Variants in MACF1 observed in about 807,000 individuals in gnomAD.
MACF1 encodes microtubule-actin cross-linking factor 1.
In MACF1, 193 loss-of-function variants were observed where a neutral mutation model predicts 854.8. That is an observed-to-expected ratio of 0.23 (90% confidence interval 0.20 to 0.25). The LOEUF (loss-of-function observed/expected upper bound fraction) is 0.25, where lower values mean the gene tolerates loss of function less well. MACF1 is among the 10% of genes least tolerant of loss of function. The pLI is 1.00. For missense variants in MACF1, 7,722 were observed against 8,929.1 expected (o/e 0.86, Z 5.45); for synonymous variants, 3,185 against 3,226.7 (o/e 0.99, Z 0.44).
chr1:39,229,410 A>G (rs1238306668), intron 1 of MACF1, among the ~76,000 whole-genome samples: 2 of 152,240 alleles, frequency 1.3e-5, no homozygotes, highest in Non-Finnish European at 2.9e-5. Context: ...AAGCATTGAC[A>G]TTGTTTGGAA....
At position 39,331,323 on chromosome 1, in the gene MACF1, G is replaced by A; in HGVS notation, c.4735G>A (p.Val1579Ile). 4 of 1,613,934 alleles carry A rather than the reference G, an allele frequency of 2.5e-6. No individual in the cohort carries two copies. The highest frequency in any genetic ancestry group is 3.4e-6 in the Non-Finnish European group (4 of 1,179,988). ...AGGCCTAGTGCTTCTGGAATCTCAG[G>A]TTATCATGTCTGGCCTCATTGCCCC... ...DTGLVLLESQVIMSGLIAPET... is the reference protein window; with the variant it reads ...DTGLVLLESQIIMSGLIAPET... Residue 1579 changes from valine (V) to isoleucine (I), a missense_variant, in exon 37 of 101, where the codon GTT (valine) becomes ATT (isoleucine). By Grantham distance (29) the Val-to-Ile change is conservative (BLOSUM62 3). Transcript: ENST00000564288.
intron 15 of MACF1, among the ~76,000 whole-genome samples, chr1:39,291,586 A>G (rs770085408): frequency 1.3e-5 from 2 of 152,250 alleles, no homozygotes; most frequent in Non-Finnish European, 2.9e-5. Flanking sequence ...AGACTCCATA[A>G]AGAGAAATGC....
chr1:39,144,919 A>G (rs1643429373), intron 2 of MACF1, among the ~76,000 whole-genome samples: 1 of 152,046 alleles, frequency 6.6e-6, no homozygotes, highest in Admixed American at 6.6e-5. Flanking sequence ...CCTTTCCTTT[A>G]TGCACATTAA....
intron 34 of MACF1, 132 bp from the exon 35 acceptor site, chr1:39,324,514 T>A: frequency 9.7e-7 from 1 of 1,027,804 alleles, no homozygotes; most frequent in Non-Finnish European, 1.4e-6. Context: ...TTTTATCAGC[T>A]GTAGCTCATT....
At chr1:39,318,685 T>G in intron 30 of MACF1, 70 bp downstream of exon 30, 2 of 1,423,982 alleles carry the variant, frequency 1.4e-6, no homozygotes, top group African/African-American at 2.9e-5. Flanking sequence ...AAGAAAATGA[T>G]GTACTGGCAA....
rs1243959585 is a variant in MACF1 at position 39,477,133 on chromosome 1, T to TACACACACACAC, written c.21959-2664_21959-2663insCACACACACACA. The stretch of plus-strand genomic sequence containing the variant: ...TACACTTAGTGTATATATATATATA[T>TACACACACACAC]ATACACACACACACACACACAGATG... On this transcript the variant is annotated intron_variant, in intron 97 of 100. Transcript: ENST00000564288. 1.6e-3 allele frequency among the ~76,000 whole-genome samples: 161 copies of TACACACACACAC among 98,886 alleles called. 12 individuals are homozygous for TACACACACACAC. Among genetic ancestry groups the TACACACACACAC allele is most frequent in the Middle Eastern group, 5.5e-3 (1 of 182 alleles). 64.9% of individuals were successfully genotyped at this position (98,886 alleles called of 152,430 possible).
chr1:39,301,722 G>A (rs1430070975), intron 22 of MACF1, among the ~76,000 whole-genome samples: 4 of 152,050 alleles, frequency 2.6e-5, no homozygotes, highest in Admixed American at 1.3e-4. Flanking sequence ...ACTGCGCCCA[G>A]CGTTTGTTTG....
At chr1:39,108,707 C>G (rs1642314498) in intron 2 of MACF1, among the ~76,000 whole-genome samples, 1 of 152,060 alleles carries the variant, frequency 6.6e-6, no homozygotes, top group Admixed American at 6.6e-5. Context: ...AGAAGCAGGT[C>G]ACATATGAGC....
At chr1:39,256,001 G>A (rs1195034536) in intron 5 of MACF1, among the ~76,000 whole-genome samples, 2 of 152,136 alleles carry the variant, frequency 1.3e-5, no homozygotes, top group East Asian at 1.9e-4. Context: ...TCTTGGTAAC[G>A]GTAAAGTCCA....
At chr1:39,299,798 A>T (rs1646003567) in intron 21 of MACF1, among the ~76,000 whole-genome samples, 1 of 152,248 alleles carries the variant, frequency 6.6e-6, no homozygotes, top group East Asian at 1.9e-4. Flanking sequence ...AAAGGGAAGA[A>T]CTGGTTTCTA....
chr1:39,357,862 C>A lies in MACF1; in HGVS notation c.11912C>A (p.Ala3971Glu). 1.2e-6 allele frequency: 2 copies of A among 1,613,462 alleles called. No homozygotes were observed. Among genetic ancestry groups the A allele is most frequent in the Non-Finnish European group, 1.7e-6 (2 of 1,179,720 alleles). The part of the protein sequence containing the change: ...GNLVKDKLKD[A>E]TERYTALHSK... ...TTAGTAAAGGACAAGTTGAAGGATGCAACAGAAAGATACACTGCTCTCCAC... is the reference window on the plus strand; with the variant it reads ...TTAGTAAAGGACAAGTTGAAGGATGAAACAGAAAGATACACTGCTCTCCAC... Residue 3971 changes from alanine to glutamate, a missense_variant, in exon 45 of 101, where the codon GCA becomes GAA. Around this residue, in one of 15 missense-constraint regions of MACF1, gnomAD observed 2,807 missense variants for 3,235.8 expected, o/e 0.87. Coordinates refer to ENST00000564288, the MANE Select transcript of MACF1 (RefSeq NM_001394062.1).
intron 2 of MACF1, among the ~76,000 whole-genome samples, chr1:39,249,032 C>A (rs1222901688): frequency 1.3e-5 from 2 of 152,148 alleles, no homozygotes; most frequent in African/African-American, 4.8e-5. Context: ...CAGGCAGAAG[C>A]CACTGCACCT....
chr1:39,343,843 C>T (rs899047088), intron 40 of MACF1, among the ~76,000 whole-genome samples: 2 of 152,256 alleles, frequency 1.3e-5, no homozygotes, highest in Non-Finnish European at 2.9e-5. Flanking sequence ...GGGCTGGGCA[C>T]GGTGGCTCAC....
chr1:39,146,140 T>C (rs1643458421), intron 2 of MACF1, among the ~76,000 whole-genome samples: 2 of 152,076 alleles, frequency 1.3e-5, no homozygotes, highest in African/African-American at 4.8e-5. Flanking sequence ...CATCAACAGA[T>C]GAATAGATAA....
In MACF1 at chr1:39,283,343, C is replaced by T. The variant is rs1437412034; in HGVS notation, c.808+42C>T. ...TGAACTTGAGTAAGGAACACGTATT[C>T]AGTATTCCTTCTTCTGGCAAGTTCC... On this transcript the variant is annotated intron_variant, in intron 8 of 100. Coordinates refer to ENST00000564288, the MANE Select transcript of MACF1 (RefSeq NM_001394062.1). The surrounding 1 kb of genome is among the most constrained non-coding windows in gnomAD (Gnocchi z 4.5). The T allele has an allele frequency of 1.3e-6, 2 of 1,572,472 alleles. No individual in the cohort carries two copies. The highest frequency in any genetic ancestry group is 2.2e-5 in the East Asian group (1 of 44,678).
At chr1:39,375,305 CT>C (rs1039084685) in intron 52 of MACF1, among the ~76,000 whole-genome samples, 52 of 145,470 alleles carry the variant, frequency 3.6e-4, no homozygotes, top group South Asian at 4.4e-4. Context: ...TTCTTTCTTT[CT>C]TTTTTTTTTT....
At chr1:39,380,442 C>T in intron 55 of MACF1, 69 bp downstream of exon 55, 1 of 1,460,138 alleles carries the variant, frequency 6.8e-7, no homozygotes, top group Non-Finnish European at 9.4e-7. Flanking sequence ...AGAATTTCAG[C>T]ACATCCTATA....
intron 35 of MACF1, among the ~76,000 whole-genome samples, chr1:39,326,983 G>C (rs1473522523): frequency 6.6e-6 from 1 of 152,164 alleles, no homozygotes; most frequent in Admixed American, 6.5e-5. Context: ...TGGGGCTAAA[G>C]TGGAGATGAG....
rs556729573 is a variant in MACF1 at position 39,135,188 on chromosome 1, T to C, written c.220+50750T>C. Among the ~76,000 whole-genome samples the C allele has an allele frequency of 2.6e-5, 4 of 152,344 alleles. No individual in the cohort carries two copies. The East Asian group carries it at 7.7e-4, about 29-fold the overall frequency. ...CACATTTTATTTATCCATTCATCTG[T>C]TGATGGATACTTGGCTTGCTAATAA... is the stretch of plus-strand genomic sequence containing the variant. On this transcript the variant is annotated intron_variant, in intron 2 of 93. Coordinates refer to the MACF1 transcript ENST00000361689.
Sources: allele counts gnomAD v4.1 joint callset (sites outside exome capture counted in the v4.1 genomes callset), GRCh38; gene constraint gnomAD v4.1.1; regional missense constraint gnomAD v4.1.1; non-coding constraint Gnocchi (gnomAD v3.1); transcripts MANE v1.5; gene names NCBI Gene and HGNC (gene_info 2026-07-23, HGNC 2026-07-21).